The following OR51E2 variants were observed in gnomAD, a reference collection of about 807,000 sequenced individuals.
The protein encoded by OR51E2 is olfactory receptor 51E2.
OR51E2 carries 14 observed loss-of-function variants against 13.7 expected under a neutral mutation model. The observed-to-expected ratio is 1.02, with a 90% CI of 0.68 to 1.60. The LOEUF (loss-of-function observed/expected upper bound fraction) is 1.60, where lower values mean the gene tolerates loss of function less well. Among genes scored for constraint, OR51E2 ranks in the 40% most tolerant of loss-of-function variants. The probability of loss-of-function intolerance (pLI) is 0.00; values close to 1 mark genes in which losing one functional copy is unlikely to be tolerated. For synonymous variants in OR51E2, 180 were observed against 157.6 expected (o/e 1.14, Z -1.07); for missense variants, 483 against 413.8 (o/e 1.17, Z -1.45).
In OR51E2 at chr11:4,682,263, C is replaced by CG. The variant is rs1564885186; in HGVS notation, c.448dup (p.Arg150ProfsTer128). The CG allele has an allele frequency of 6.2e-7, 1 of 1,614,124 alleles. No individual in the cohort carries two copies. The highest frequency in any genetic ancestry group is 1.7e-5 in the Admixed American group (1 of 60,028). On this transcript the variant is annotated frameshift_variant, in exon 2 of 2. Transcript: ENST00000396950. LOFTEE classifies it high-confidence loss of function. ...CAGTGGGAAAAAAAAGAGGGATCCGCGGACCACAGCCACGATGCCAATCTG... is the reference window on the plus strand; with the variant it reads ...CAGTGGGAAAAAAAAGAGGGATCCGCGGGACCACAGCCACGATGCCAATCTG...
chr11:4,682,851 G>C, intron 1 of OR51E2, 90 bp from the exon 2 acceptor site: 2 of 876,756 alleles, frequency 2.3e-6, no homozygotes, highest in Non-Finnish European at 3.4e-6. Context: ...CCCACTTAGG[G>C]TCTTTCATAA....
In OR51E2 at chr11:4,681,670, G is replaced by A; in HGVS notation, c.*79C>T. ...GAGAAAAGTACTGATGTGCTTATGG[G>A]CAACTGGAAATAAGCTAGTGTTAGA... On this transcript the variant is annotated 3_prime_UTR_variant, in exon 2 of 2. Coordinates refer to ENST00000396950, the MANE Select transcript of OR51E2 (RefSeq NM_030774.4). 3.3e-6 allele frequency: 5 copies of A among 1,524,218 alleles called. No homozygotes were observed. The highest frequency in any genetic ancestry group is 4.5e-6 in the Non-Finnish European group (5 of 1,111,388). 94.4% of individuals were successfully genotyped at this position (1,524,218 alleles called of 1,614,324 possible).
At chr11:4,690,949 T>C (rs566764794) in intron 1 of OR51E2, 5 of 454,452 alleles carry the variant, frequency 1.1e-5, no homozygotes, top group South Asian at 7.8e-5. Flanking sequence ...ATGTAATATA[T>C]AGCAAAAGCC....
rs754309213 is a variant in OR51E2 at position 4,682,014 on chromosome 11, C to T, written c.698G>A (p.Arg233Gln). Reference protein sequence around the residue: ...TVLQLPSKSERAKAFGTCVSH... With the variant: ...TVLQLPSKSEQAKAFGTCVSH... ...CACACAGGTTCCAAAGGCCTTGGCC[C>T]GCTCTGACTTGGAAGGCAGTTGCAG... Residue 233 changes from arginine (R) to glutamine (Q), a missense_variant, in exon 2 of 2, where the codon CGG becomes CAG. Coordinates refer to ENST00000396950, the MANE Select transcript of OR51E2 (RefSeq NM_030774.4). The T allele has an allele frequency of 2.4e-5, 38 of 1,614,096 alleles. No homozygotes were observed. Among genetic ancestry groups the T allele is most frequent in the East Asian group, 1.3e-4 (6 of 44,898 alleles).
chr11:4,686,134 A>C (rs922138275), intron 1 of OR51E2, among the ~76,000 whole-genome samples: 2 of 152,220 alleles, frequency 1.3e-5, no homozygotes, highest in Non-Finnish European at 2.9e-5. Context: ...AGGGTGCCAG[A>C]GGTGAATAAG....
At position 4,681,715 on chromosome 11, in the gene OR51E2, C is replaced by A; in HGVS notation, c.*34G>T. On this transcript the variant is annotated 3_prime_UTR_variant, in exon 2 of 2. Coordinates refer to ENST00000396950, the MANE Select transcript of OR51E2 (RefSeq NM_030774.4). Reference sequence around the variant, plus strand: ...GTTAGAAATAATTATGTTTATCAAGCCAATAAAGATAAGGAGAAGTGTAGT... The same window carrying A: ...GTTAGAAATAATTATGTTTATCAAGACAATAAAGATAAGGAGAAGTGTAGT... The A allele has an allele frequency of 1.9e-6, 3 of 1,604,466 alleles. No individual in the cohort carries two copies. The highest frequency in any genetic ancestry group is 2.6e-6 in the Non-Finnish European group (3 of 1,172,316).
At position 4,681,809 on chromosome 11, in the gene OR51E2, C is replaced by T. The variant is rs775694365; in HGVS notation, c.903G>A (p.Arg301=). 4 of 1,614,182 alleles carry T rather than the reference C, an allele frequency of 2.5e-6. No individual in the cohort carries two copies. Among genetic ancestry groups the T allele is most frequent in the Admixed American group, 3.3e-5 (2 of 60,016 alleles). ...AGCTGATCTTGAACATAGCCAGCAC[C>T]CGTGTTCTGATCTGTTTGGTTTTGG... ...YGAKTKQIRT[R]VLAMFKISCD... The change falls in exon 2 of 2, where the codon CGG becomes CGA. Residue 301 remains arginine (R), a synonymous_variant. Transcript: ENST00000396950.
chr11:4,681,793 T>C lies in OR51E2; in HGVS notation c.919A>G (p.Lys307Glu). Reference sequence around the variant, plus strand: ...TGCAAGTCCTTGTCACAGCTGATCTTGAACATAGCCAGCACCCGTGTTCTG... The same window carrying C: ...TGCAAGTCCTTGTCACAGCTGATCTCGAACATAGCCAGCACCCGTGTTCTG... Reference protein sequence around the residue: ...QIRTRVLAMFKISCDKDLQAV... With the variant: ...QIRTRVLAMFEISCDKDLQAV... The change falls in exon 2 of 2, where the codon AAG (lysine) becomes GAG (glutamate). Residue 307 changes from lysine to glutamate, a missense_variant. Lys to Glu is a moderately conservative substitution (Grantham distance 56, BLOSUM62 1). Transcript: ENST00000396950. 6.2e-7 allele frequency: 1 copy of C among 1,614,184 alleles called. No individual in the cohort carries two copies. The highest frequency in any genetic ancestry group is 1.1e-5 in the South Asian group (1 of 91,082).
rs1564884805 is a variant in OR51E2, at chr11:4,681,623, C to G, written c.*126G>C. ...TAGTCCTTTAGGTAGATGTACCATA[C>G]TTTAGTTTACTATTCCAGCCAGAGA... On this transcript the variant is annotated 3_prime_UTR_variant, in exon 2 of 2. Transcript: ENST00000396950. The G allele has an allele frequency of 9.9e-7, 1 of 1,008,014 alleles. No homozygotes were observed. The allele number at this position is 1,008,014 out of a possible 1,614,324, so 62.4% of individuals were successfully genotyped here. A position where few individuals can be genotyped will look rare whatever the true frequency, so the allele number is the denominator to read the frequency against.
At chr11:4,693,701 G>A (rs757399749) in intron 1 of OR51E2, among the ~76,000 whole-genome samples, 3 of 152,052 alleles carry the variant, frequency 2.0e-5, no homozygotes, top group Non-Finnish European at 4.4e-5. Context: ...CAACCTGGGC[G>A]ACAGAGCGAG....
intron 1 of OR51E2, among the ~76,000 whole-genome samples, chr11:4,689,655 T>G (rs1026064483): frequency 1.3e-5 from 2 of 152,140 alleles, no homozygotes; most frequent in African/African-American, 4.8e-5. Flanking sequence ...CTTTCTGAAT[T>G]GAGCCATTAC....
At chr11:4,684,588 TG>T (rs1443884934) in intron 1 of OR51E2, among the ~76,000 whole-genome samples, 1 of 152,176 alleles carries the variant, frequency 6.6e-6, no homozygotes, top group Non-Finnish European at 1.5e-5. Flanking sequence ...TAATGCCTTT[TG>T]CCCATGCTAC....
chr11:4,695,320 G>A (rs778654457), intron 1 of OR51E2, among the ~76,000 whole-genome samples: 2 of 152,044 alleles, frequency 1.3e-5, no homozygotes, highest in Non-Finnish European at 2.9e-5. Context: ...AGTGCCATTG[G>A]TTGCTTTTTT....
intron 1 of OR51E2, among the ~76,000 whole-genome samples, chr11:4,696,701 T>C (rs1847660568): frequency 6.6e-6 from 1 of 152,206 alleles, no homozygotes; most frequent in Admixed American, 6.5e-5. Flanking sequence ...TATACTTTCA[T>C]TTTCTCTCTT....
chr11:4,682,694 G>A lies in OR51E2; in HGVS notation c.18C>T (p.Phe6=). ...CAATAAGCACAAAGGTGGCATGTGT[G>A]AAGTTGCAGGAACTCATAGCTGGAA... MSSCN[F]THATFVLIGI... Residue 6 remains phenylalanine (F), a synonymous_variant, in exon 2 of 2, where the codon TTC becomes TTT. Coordinates refer to ENST00000396950, the MANE Select transcript of OR51E2 (RefSeq NM_030774.4). The A allele has an allele frequency of 8.7e-6, 14 of 1,613,624 alleles. No individual in the cohort carries two copies. The highest frequency in any genetic ancestry group is 1.3e-5 in the African/African-American group (1 of 75,048).
In OR51E2 at chr11:4,680,362, C is replaced by T. The variant is rs531289098; in HGVS notation, c.*1387G>A. ...AAGCAAGCAATAAGATCACGAAAGG[C>T]AGCTGTAAAACAGGATTATTCTGCA... On this transcript the variant is annotated 3_prime_UTR_variant, in exon 2 of 2. Transcript: ENST00000396950. The T allele has an allele frequency of 1.8e-4, 27 of 152,530 alleles. No individual in the cohort carries two copies. Among genetic ancestry groups the T allele is most frequent in the African/African-American group, 6.3e-4 (26 of 41,536 alleles). The allele number at this position is 152,530 out of a possible 1,614,324, so 9.4% of individuals were successfully genotyped here.
chr11:4,690,905 A>G (rs1361703197), intron 1 of OR51E2: 1 of 456,404 alleles, frequency 2.2e-6, no homozygotes. Context: ...CTTGTTTCCC[A>G]AATCTGTGAA....
At chr11:4,693,405 G>A (rs2044840526) in intron 1 of OR51E2, among the ~76,000 whole-genome samples, 1 of 152,168 alleles carries the variant, frequency 6.6e-6, no homozygotes, top group South Asian at 2.1e-4. Context: ...AGAATTCCCA[G>A]GCTTTCAGAA....
chr11:4,682,326 A>G lies in OR51E2; in HGVS notation c.386T>C (p.Leu129Pro). The G allele has an allele frequency of 6.2e-7, 1 of 1,614,202 alleles. No individual in the cohort carries two copies. Among genetic ancestry groups the G allele is most frequent in the South Asian group, 1.1e-5 (1 of 91,084 alleles). ...ATTGTTGAGCACTGCAGCATGGCGCAGTGGGTGGCAGATGGCCACATAACG... is the reference window on the plus strand; with the variant it reads ...ATTGTTGAGCACTGCAGCATGGCGCGGTGGGTGGCAGATGGCCACATAACG... ...FDRYVAICHP[L>P]RHAAVLNNTV... is the part of the protein sequence containing the mutation. Residue 129 changes from leucine to proline, a missense_variant, in exon 2 of 2, where the codon CTG becomes CCG. Coordinates refer to ENST00000396950, the MANE Select transcript of OR51E2 (RefSeq NM_030774.4).
Sources: allele counts gnomAD v4.1 joint callset (sites outside exome capture counted in the v4.1 genomes callset), GRCh38; gene constraint gnomAD v4.1.1; transcripts MANE v1.5; gene names NCBI Gene and HGNC (gene_info 2026-07-23, HGNC 2026-07-21).